The following ASIC2 variants were observed in gnomAD, a reference collection of about 807,000 sequenced individuals.
ASIC2 encodes acid-sensing ion channel 2.
A neutral mutation model predicts 57.3 loss-of-function variants in ASIC2; 25 were observed. That is an observed-to-expected ratio of 0.44 (90% CI 0.32 to 0.61). The LOEUF (loss-of-function observed/expected upper bound fraction) is 0.61, where lower values mean the gene tolerates loss of function less well. ASIC2 is among the 20% of genes least tolerant of loss of function. The pLI, the probability that ASIC2 is intolerant of heterozygous loss-of-function variation, is 0.06. For missense variants in ASIC2, 641 were observed against 738.1 expected (o/e 0.87, Z 1.52); for synonymous variants, 319 against 307.5 (o/e 1.04, Z -0.39).
chr17:34,149,829 A>AGG (rs915160445), intron 1 of ASIC2, among the ~76,000 whole-genome samples: 1 of 152,190 alleles, frequency 6.6e-6, no homozygotes, highest in African/African-American at 2.4e-5. Flanking sequence ...AACAGTATGG[A>AGG]AGTTCCTCAA....
chr17:33,494,450 C>A (rs1019714516), intron 1 of ASIC2, among the ~76,000 whole-genome samples: 1 of 152,152 alleles, frequency 6.6e-6, no homozygotes, highest in Admixed American at 6.5e-5. Flanking sequence ...GCCACATATT[C>A]CTCCTCTTGC....
intron 1 of ASIC2, among the ~76,000 whole-genome samples, chr17:33,813,353 GAAAA>G (rs1912480796): frequency 6.6e-6 from 1 of 152,002 alleles, no homozygotes; most frequent in African/African-American, 2.4e-5. Flanking sequence ...ACTCAAGGTT[GAAAA>G]AACAAAAAAC....
chr17:33,073,751 C>G (rs2092078633), intron 3 of ASIC2, among the ~76,000 whole-genome samples: 1 of 152,158 alleles, frequency 6.6e-6, no homozygotes, highest in Non-Finnish European at 1.5e-5. Context: ...AAAACAATAT[C>G]AAAATCCAAT....
chr17:33,015,387 A>C (rs1469308140), intron 9 of ASIC2, among the ~76,000 whole-genome samples: 2 of 152,186 alleles, frequency 1.3e-5, no homozygotes, highest in African/African-American at 4.8e-5. Flanking sequence ...AGAGTAGGGC[A>C]GTGGTTAGAA....
intron 1 of ASIC2, among the ~76,000 whole-genome samples, chr17:33,497,708 C>T (rs8076767): frequency 0.012 from 1,887 of 152,108 alleles, 28 homozygotes; most frequent in African/African-American, 0.042. Context: ...ACCCAATCCA[C>T]ACACCTTACA....
At chr17:33,641,668 C>G (rs974673143) in intron 1 of ASIC2, among the ~76,000 whole-genome samples, 7 of 152,180 alleles carry the variant, frequency 4.6e-5, no homozygotes, top group African/African-American at 1.7e-4. Flanking sequence ...TGGAATCACT[C>G]CAAAACATAG....
intron 1 of ASIC2, among the ~76,000 whole-genome samples, chr17:33,195,920 C>T (rs1906608032): frequency 6.6e-6 from 1 of 152,182 alleles, no homozygotes. Context: ...GCCTCAGTTT[C>T]CTCCTTTTGC....
At chr17:34,123,108 C>T (rs1008408957) in intron 1 of ASIC2, among the ~76,000 whole-genome samples, 1 of 152,152 alleles carries the variant, frequency 6.6e-6, no homozygotes, top group Admixed American at 6.5e-5. Flanking sequence ...ACAAGTCTTG[C>T]CCAGCCTATG....
In ASIC2 at chr17:33,269,685, T is replaced by TG. The variant is rs1904391222; in HGVS notation, c.708+21722_708+21723insC. On this transcript the variant is annotated intron_variant, in intron 1 of 9. Coordinates refer to ENST00000225823, the MANE Select transcript of ASIC2 (RefSeq NM_183377.2). ...TTCCTTCCTTCCTTCCCTCCCTCCC[T>TG]CCTGCCTGCCTGCCTGCCTGCCTGC... Among the ~76,000 whole-genome samples, 3 of 68,538 alleles carry TG rather than the reference T, an allele frequency of 4.4e-5. No homozygotes were observed. The South Asian group carries it at 1.9e-3, about 44-fold the overall frequency. 45.0% of individuals were successfully genotyped at this position (68,538 alleles called of 152,430 possible).
intron 1 of ASIC2, among the ~76,000 whole-genome samples, chr17:33,986,855 A>T (rs1175109777): frequency 6.6e-6 from 1 of 152,100 alleles, no homozygotes; most frequent in Non-Finnish European, 1.5e-5. Flanking sequence ...TGAAGCTCAT[A>T]TACTCTCCAC....
intron 1 of ASIC2, among the ~76,000 whole-genome samples, chr17:33,912,861 C>G (rs1226441972): frequency 6.6e-6 from 1 of 151,846 alleles, no homozygotes; most frequent in Non-Finnish European, 1.5e-5. Flanking sequence ...TGCCTATAAT[C>G]CCAGCTACAC....
chr17:33,939,099 T>C (rs1916130675), intron 1 of ASIC2, among the ~76,000 whole-genome samples: 1 of 152,264 alleles, frequency 6.6e-6, no homozygotes, highest in Non-Finnish European at 1.5e-5. Context: ...TGTTGGGGCC[T>C]CACCCCTTCT....
intron 1 of ASIC2, among the ~76,000 whole-genome samples, chr17:33,858,014 G>C (rs1426209164): frequency 1.3e-5 from 2 of 151,242 alleles, no homozygotes; most frequent in African/African-American, 4.9e-5. Context: ...GAGGTCAAGA[G>C]GACCTCAGGT....
intron 1 of ASIC2, among the ~76,000 whole-genome samples, chr17:34,061,044 C>T (rs763945049): frequency 6.6e-6 from 1 of 152,156 alleles, no homozygotes; most frequent in Admixed American, 6.5e-5. Context: ...GGCACATTGT[C>T]ATTAGGTTAT....
chr17:33,144,163 A>AAACG (rs1315920059), intron 1 of ASIC2, among the ~76,000 whole-genome samples: 2 of 152,122 alleles, frequency 1.3e-5, no homozygotes, highest in African/African-American at 2.4e-5. Context: ...CAAACAAAAA[A>AAACG]AAAAACGAAA....
At chr17:33,754,957 CAAAAAAAAAAA>C (rs58392305) in intron 1 of ASIC2, among the ~76,000 whole-genome samples, 1 of 57,954 alleles carries the variant, frequency 1.7e-5, no homozygotes, top group East Asian at 5.0e-4. Flanking sequence ...GACTCCATCT[CAAAAAAAAAAA>C]AAAAAAAAAA....
At chr17:33,347,660 A>T (rs1002297589) in intron 1 of ASIC2, among the ~76,000 whole-genome samples, 1 of 152,204 alleles carries the variant, frequency 6.6e-6, no homozygotes, top group African/African-American at 2.4e-5. Flanking sequence ...TTGCTGAAAC[A>T]GAAACATCGA....
chr17:33,161,788 T>G (rs1250272499), intron 1 of ASIC2, among the ~76,000 whole-genome samples: 1 of 151,744 alleles, frequency 6.6e-6, no homozygotes, highest in Admixed American at 6.6e-5. Context: ...AATGGTTTCA[T>G]TCTGCACACA....
chr17:33,489,834 G>T (rs1249104439), intron 1 of ASIC2, among the ~76,000 whole-genome samples: 1 of 152,182 alleles, frequency 6.6e-6, no homozygotes, highest in African/African-American at 2.4e-5. Context: ...ATGGGAATTT[G>T]GGCCCCTTTA....
Sources: allele counts gnomAD v4.1 joint callset (sites outside exome capture counted in the v4.1 genomes callset), GRCh38; gene constraint gnomAD v4.1.1; transcripts MANE v1.5; gene names NCBI Gene and HGNC (gene_info 2026-07-23, HGNC 2026-07-21).